The following CNTNAP4 variants were observed in gnomAD, a reference collection of about 807,000 sequenced individuals.
CNTNAP4 encodes contactin associated protein family member 4.
CNTNAP4 carries 98 observed loss-of-function variants against 148.4 expected under a neutral mutation model. That is an observed-to-expected ratio of 0.66 (90% confidence interval 0.56 to 0.78). The LOEUF (loss-of-function observed/expected upper bound fraction) is 0.78. Among genes scored for constraint, CNTNAP4 ranks in the 30% least tolerant of loss-of-function variants. The probability of loss-of-function intolerance (pLI) is 0.00; values close to 1 mark genes in which losing one functional copy is unlikely to be tolerated. For synonymous variants in CNTNAP4, 730 were observed against 565.1 expected (o/e 1.29, Z -4.14); for missense variants, 1,935 against 1,565.6 (o/e 1.24, Z -3.98).
At chr16:76,328,952 T>C (rs1963266930) in intron 2 of CNTNAP4, among the ~76,000 whole-genome samples, 1 of 152,172 alleles carries the variant, frequency 6.6e-6, no homozygotes, top group Non-Finnish European at 1.5e-5. Flanking sequence ...AAGGTATTAA[T>C]AGGACAGGGG....
rs147747344 is a variant in CNTNAP4, at chr16:76,277,939, C to T, written c.85+192C>T. ...CTCCTCTTGGTCTGGTCAAAATAGG[C>T]AAAGTGTCATTTCTCTTTTTGTCTA... On this transcript the variant is annotated intron_variant, in intron 1 of 23. Coordinates refer to ENST00000611870, the MANE Select transcript of CNTNAP4 (RefSeq NM_033401.5). Among the ~76,000 whole-genome samples the T allele has an allele frequency of 1.8e-3, 279 of 152,308 alleles. 2 individuals carry two copies. Among genetic ancestry groups the T allele is most frequent in the African/African-American group, 5.8e-3 (240 of 41,570 alleles).
intron 12 of CNTNAP4, among the ~76,000 whole-genome samples, chr16:76,480,720 G>C (rs1279351487): frequency 6.6e-6 from 1 of 152,118 alleles, no homozygotes; most frequent in African/African-American, 2.4e-5. Context: ...CCTGGTGACA[G>C]AGTGAGACTC....
At chr16:76,376,702 C>T (rs996985652) in intron 3 of CNTNAP4, among the ~76,000 whole-genome samples, 1 of 152,088 alleles carries the variant, frequency 6.6e-6, no homozygotes, top group Non-Finnish European at 1.5e-5. Context: ...AGGGCATAGA[C>T]ATTTAGGACC....
chr16:76,292,927 A>G (rs1959167096), intron 1 of CNTNAP4, among the ~76,000 whole-genome samples: 1 of 152,162 alleles, frequency 6.6e-6, no homozygotes, highest in Admixed American at 6.5e-5. Context: ...TGGAGAGTGA[A>G]TATGATTCTG....
intron 3 of CNTNAP4, among the ~76,000 whole-genome samples, chr16:76,366,899 A>G (rs2014204278): frequency 2.6e-5 from 4 of 152,336 alleles, no homozygotes; most frequent in Admixed American, 2.6e-4. Context: ...TGAGTAAAAG[A>G]TAATATTATA....
intron 17 of CNTNAP4, 83 bp downstream of exon 17, chr16:76,522,340 A>C: frequency 9.1e-7 from 1 of 1,098,872 alleles, no homozygotes; most frequent in East Asian, 2.5e-5. Flanking sequence ...CAACTATAGA[A>C]ACAAGGATAA....
chr16:76,342,613 C>T (rs1410112868), intron 2 of CNTNAP4, among the ~76,000 whole-genome samples: 1 of 151,780 alleles, frequency 6.6e-6, no homozygotes, highest in Admixed American at 6.6e-5. Context: ...GCTGGGACTA[C>T]AGGCACCCGC....
chr16:76,369,285 T>A (rs942085923), intron 3 of CNTNAP4, among the ~76,000 whole-genome samples: 1 of 152,188 alleles, frequency 6.6e-6, no homozygotes, highest in Non-Finnish European at 1.5e-5. Context: ...TTCTTTAAAA[T>A]TTTTAAGCTA....
chr16:76,302,320 C>T (rs1056920242), intron 1 of CNTNAP4, among the ~76,000 whole-genome samples: 1 of 152,106 alleles, frequency 6.6e-6, no homozygotes, highest in African/African-American at 2.4e-5. Context: ...AGGATCAATC[C>T]TATGATCTCA....
intron 3 of CNTNAP4, among the ~76,000 whole-genome samples, chr16:76,394,923 C>A (rs944457672): frequency 3.3e-5 from 5 of 152,146 alleles, no homozygotes; most frequent in African/African-American, 9.7e-5. Context: ...TTACTTAGGG[C>A]TCTGTGACTC....
At chr16:76,485,984 C>T (rs1311914987) in intron 12 of CNTNAP4, among the ~76,000 whole-genome samples, 1 of 152,200 alleles carries the variant, frequency 6.6e-6, no homozygotes, top group Non-Finnish European at 1.5e-5. Context: ...TGAAGCAACA[C>T]AAGCTTTGCA....
intron 3 of CNTNAP4, among the ~76,000 whole-genome samples, chr16:76,369,088 G>T (rs570163986): frequency 2.7e-5 from 4 of 149,564 alleles, no homozygotes; most frequent in African/African-American, 9.8e-5. Flanking sequence ...GCAGTTCATA[G>T]AAAGGAAAAA....
At chr16:76,315,527 C>G (rs927384691) in intron 1 of CNTNAP4, among the ~76,000 whole-genome samples, 1 of 152,140 alleles carries the variant, frequency 6.6e-6, no homozygotes, top group Non-Finnish European at 1.5e-5. Context: ...AACTAGTATC[C>G]TTTTGTAGTC....
At chr16:76,348,353 A>G (rs147900983) in intron 2 of CNTNAP4, among the ~76,000 whole-genome samples, 15 of 152,124 alleles carry the variant, frequency 9.9e-5, no homozygotes, top group South Asian at 2.1e-4. Context: ...GGTTCAGGGA[A>G]GGAGTGTAGG....
At chr16:76,532,294 G>A (rs2084018755) in intron 17 of CNTNAP4, among the ~76,000 whole-genome samples, 1 of 152,112 alleles carries the variant, frequency 6.6e-6, no homozygotes. Context: ...GCTATCTGTG[G>A]GTCTGAATCC....
At chr16:76,313,517 A>C (rs1961374924) in intron 1 of CNTNAP4, among the ~76,000 whole-genome samples, 1 of 152,150 alleles carries the variant, frequency 6.6e-6, no homozygotes. Flanking sequence ...TCACCACTCC[A>C]TGGGTTGTAT....
chr16:76,344,441 G>A (rs1964741461), intron 2 of CNTNAP4, among the ~76,000 whole-genome samples: 1 of 152,124 alleles, frequency 6.6e-6, no homozygotes, highest in Non-Finnish European at 1.5e-5. Flanking sequence ...ATATGTAAAT[G>A]TATTAGCAGA....
chr16:76,329,564 T>C (rs1027741234), intron 2 of CNTNAP4, among the ~76,000 whole-genome samples: 9 of 152,198 alleles, frequency 5.9e-5, no homozygotes, highest in Admixed American at 3.3e-4. Context: ...AGTCTTTCTT[T>C]CGATTCTCAA....
At chr16:76,294,465 G>A (rs1232998807) in intron 1 of CNTNAP4, among the ~76,000 whole-genome samples, 1 of 152,108 alleles carries the variant, frequency 6.6e-6, no homozygotes, top group African/African-American at 2.4e-5. Context: ...GGCTGAATAT[G>A]TTTCATGCTA....
Sources: allele counts gnomAD v4.1 joint callset (sites outside exome capture counted in the v4.1 genomes callset), GRCh38; gene constraint gnomAD v4.1.1; transcripts MANE v1.5; gene names NCBI Gene and HGNC (gene_info 2026-07-23, HGNC 2026-07-21).